Variants in KLF8 observed in about 807,000 individuals in gnomAD.
The protein encoded by KLF8 is Krueppel-like factor 8.
In KLF8, 10 loss-of-function variants were observed where a neutral mutation model predicts 18.2. That is an observed-to-expected ratio of 0.55 (90% confidence interval 0.34 to 0.93). The LOEUF is 0.93. Among genes scored for constraint, KLF8 ranks in the 40% least tolerant of loss-of-function variants. The pLI, the probability that KLF8 is intolerant of heterozygous loss-of-function variation, is 0.02. For synonymous variants in KLF8, 109 were observed against 97.3 expected, an observed-to-expected ratio of 1.12 and a Z score of -0.71; for missense variants, 264 against 277.9, an observed-to-expected ratio of 0.95 and a Z score of 0.36.
the KLF8 span, among the ~76,000 whole-genome samples, chrX:55,938,820 C>A: frequency 9.0e-6 from 1 of 111,334 alleles, no homozygotes; most frequent in Non-Finnish European, 1.9e-5. Context: ...AAGAAGAAGA[C>A]CTAACTATCC....
chrX:56,097,374 G>T, the KLF8 span, among the ~76,000 whole-genome samples: 1 of 101,673 alleles, frequency 9.8e-6, no homozygotes, highest in African/African-American at 3.6e-5. Flanking sequence ...GCAGGGTACA[G>T]GCTGAAGTGC....
the KLF8 span, among the ~76,000 whole-genome samples, chrX:55,964,326 AG>A: frequency 8.9e-6 from 1 of 112,472 alleles, no homozygotes; most frequent in African/African-American, 3.2e-5. Context: ...CTGTATTCCC[AG>A]CACTTTGGGA....
the KLF8 span, among the ~76,000 whole-genome samples, chrX:56,046,932 A>G: frequency 9.0e-6 from 1 of 111,483 alleles, no homozygotes; most frequent in African/African-American, 3.3e-5. Flanking sequence ...AGGGAAGTTT[A>G]CCTCGATTAT....
chrX:56,050,578 T>G, the KLF8 span, among the ~76,000 whole-genome samples: 1 of 112,366 alleles, frequency 8.9e-6, no homozygotes, highest in African/African-American at 3.2e-5. Flanking sequence ...TTGTGTGGTT[T>G]TCAGTGAGAT....
chrX:56,154,188 A>C, the KLF8 span, among the ~76,000 whole-genome samples: 1 of 109,977 alleles, frequency 9.1e-6, no homozygotes, highest in Non-Finnish European at 1.9e-5. Context: ...ACTATACTAC[A>C]AGGCTACAGT....
chrX:56,256,030 G>C (rs1231454383), intron 2 of KLF8, among the ~76,000 whole-genome samples: 1 of 111,378 alleles, frequency 9.0e-6, no homozygotes, highest in African/African-American at 3.3e-5. Context: ...TTCTTTACTA[G>C]GAGACTTTTT....
chrX:56,272,684 G>A (rs889434374), intron 5 of KLF8, among the ~76,000 whole-genome samples: 2 of 111,077 alleles, frequency 1.8e-5, no homozygotes, highest in Non-Finnish European at 3.8e-5. Flanking sequence ...AGGAAATAAC[G>A]TGGCATTTCT....
chrX:56,206,868 T>C, the KLF8 span, among the ~76,000 whole-genome samples: 4 of 112,795 alleles, frequency 3.5e-5, no homozygotes, highest in African/African-American at 1.3e-4. Flanking sequence ...GCTCTACCCC[T>C]GCAGCAAACT....
At chrX:56,275,015 G>T (rs188976217) in intron 5 of KLF8, among the ~76,000 whole-genome samples, 326 of 110,789 alleles carry the variant, frequency 2.9e-3, no homozygotes, top group African/African-American at 9.8e-3. Context: ...AAATTTTGGG[G>T]TTTTTTTTCT....
the KLF8 span, among the ~76,000 whole-genome samples, chrX:56,207,877 G>A: frequency 9.0e-6 from 1 of 110,630 alleles, no homozygotes; most frequent in Non-Finnish European, 1.9e-5. Context: ...CCAAGACTGG[G>A]TAATTTATAA....
the KLF8 span, among the ~76,000 whole-genome samples, chrX:56,190,274 G>T: frequency 1.9e-4 from 21 of 110,718 alleles, no homozygotes; most frequent in South Asian, 8.0e-3. Context: ...CACTGAGCAA[G>T]AGTATATAAC....
chrX:56,205,557 T>C, the KLF8 span, among the ~76,000 whole-genome samples: 2 of 112,401 alleles, frequency 1.8e-5, no homozygotes, highest in Admixed American at 1.9e-4. Context: ...TTGAATTTGG[T>C]TTGCTCATAG....
At chrX:56,188,607 T>G in the KLF8 span, among the ~76,000 whole-genome samples, 23 of 112,017 alleles carry the variant, frequency 2.1e-4, no homozygotes, top group Non-Finnish European at 4.1e-4. Flanking sequence ...TCATGCTACC[T>G]GACTTCAAAC....
intron 1 of KLF8, among the ~76,000 whole-genome samples, chrX:56,235,558 A>C (rs1244022809): frequency 1.8e-5 from 2 of 109,064 alleles, no homozygotes; most frequent in Non-Finnish European, 3.8e-5. Context: ...CTGGGATTAC[A>C]GGCATGCACC....
the KLF8 span, among the ~76,000 whole-genome samples, chrX:56,021,411 AAAT>A: frequency 2.5e-4 from 28 of 111,481 alleles, no homozygotes; most frequent in Non-Finnish European, 5.1e-4. Flanking sequence ...CATACAATTA[AAAT>A]AATAAAAGCT....
the KLF8 span, among the ~76,000 whole-genome samples, chrX:55,945,744 T>C: frequency 5.4e-5 from 6 of 111,016 alleles, no homozygotes; most frequent in Admixed American, 5.8e-4. Flanking sequence ...AAAACCCCAT[T>C]GTCTCAGCCC....
the KLF8 span, among the ~76,000 whole-genome samples, chrX:55,909,589 C>T: frequency 1.8e-5 from 2 of 112,382 alleles, no homozygotes; most frequent in African/African-American, 6.5e-5. Context: ...GATATGGAGA[C>T]AAATGTTGAA....
chrX:56,160,139 G>A, the KLF8 span, among the ~76,000 whole-genome samples: 2 of 111,598 alleles, frequency 1.8e-5, no homozygotes, highest in African/African-American at 3.3e-5. Context: ...CCTTCATTTC[G>A]TTATGAACCC....
the KLF8 span, among the ~76,000 whole-genome samples, chrX:56,220,004 G>T: frequency 8.9e-6 from 1 of 112,014 alleles, no homozygotes; most frequent in Non-Finnish European, 1.9e-5. Flanking sequence ...TTGTACTGAG[G>T]AGTAAATGAA....
Sources: allele counts gnomAD v4.1 joint callset (sites outside exome capture counted in the v4.1 genomes callset), GRCh38; gene constraint gnomAD v4.1.1; transcripts MANE v1.5; gene names NCBI Gene and HGNC (gene_info 2026-07-23, HGNC 2026-07-21).